The following ABCC2 variants were observed in gnomAD, a reference collection of about 807,000 sequenced individuals.
The protein encoded by ABCC2 is ATP binding cassette subfamily C member 2.
Under a neutral mutation model 173.4 loss-of-function variants are expected in ABCC2, and 157 were observed. The observed-to-expected ratio is 0.91, with a 90% confidence interval of 0.80 to 1.03. ABCC2 has a LOEUF of 1.03. Among genes scored for constraint, ABCC2 ranks in the 50% least tolerant of loss-of-function variants. The pLI is 0.00. For synonymous variants in ABCC2, 657 were observed against 693.5 expected, an observed-to-expected ratio of 0.95 and a Z score of 0.83; for missense variants, 1,822 against 1,852.3, an observed-to-expected ratio of 0.98 and a Z score of 0.30.
chr10:99,828,313 G>A (rs537591430), intron 19 of ABCC2, among the ~76,000 whole-genome samples: 5 of 151,994 alleles, frequency 3.3e-5, no homozygotes, highest in Admixed American at 1.3e-4. Flanking sequence ...CTGCTGTGTT[G>A]GCCCTGGGAT....
At position 99,800,528 on chromosome 10, in the gene ABCC2, G is replaced by C; in HGVS notation, c.1174G>C (p.Val392Leu). 2 of 1,614,186 alleles carry C rather than the reference G, an allele frequency of 1.2e-6. No homozygotes were observed. Among genetic ancestry groups the C allele is most frequent in the African/African-American group, 2.7e-5 (2 of 75,056 alleles). Residue 392 changes from valine to leucine, a missense_variant, in exon 9 of 32, where the codon GTA becomes CTA. By Grantham distance (32) the Val-to-Leu change is conservative. Coordinates refer to ENST00000647814, the MANE Select transcript of ABCC2 (RefSeq NM_000392.5). ...FQLCFKLGVK[V>L]RTAIMASVYK... Reference sequence around the variant, plus strand: ...ACTGTGCTTCAAGCTGGGTGTAAAAGTACGGACAGCTATCATGGCTTCTGT... The same window carrying C: ...ACTGTGCTTCAAGCTGGGTGTAAAACTACGGACAGCTATCATGGCTTCTGT...
intron 1 of ABCC2, among the ~76,000 whole-genome samples, chr10:99,783,083 TG>T (rs1032595217): frequency 1.2e-4 from 19 of 152,340 alleles, no homozygotes; most frequent in African/African-American, 3.4e-4. Context: ...CTCTGTCATA[TG>T]TTTTTTTATA....
intron 12 of ABCC2, 110 bp from the exon 13 acceptor site, chr10:99,807,973 G>C: frequency 9.0e-6 from 12 of 1,340,434 alleles, no homozygotes; most frequent in Non-Finnish European, 1.3e-5. Flanking sequence ...TGGGGAGGCT[G>C]GATGATCCTT....
chr10:99,832,077 T>A lies in ABCC2; in HGVS notation c.3204T>A (p.Pro1068=). 1 of 1,614,194 alleles carries A rather than the reference T, an allele frequency of 6.2e-7. No homozygotes were observed. Residue 1068 remains proline, a synonymous_variant, in exon 23 of 32, where the codon CCT becomes CCA. Coordinates refer to ENST00000647814, the MANE Select transcript of ABCC2 (RefSeq NM_000392.5). Reference sequence around the variant, plus strand: ...TGCTGAACAATATCCTTCGAGCACCTATGAGATTTTTTGACACAACACCCA... The same window carrying A: ...TGCTGAACAATATCCTTCGAGCACCAATGAGATTTTTTGACACAACACCCA... ...KQLLNNILRA[P]MRFFDTTPTG...
Position 99,830,355 on chromosome 10 carries a change from G to C in ABCC2, c.2669G>C (p.Ser890Thr), listed in dbSNP as rs745670308. 9 of 1,614,190 alleles carry C rather than the reference G, an allele frequency of 5.6e-6. No individual in the cohort carries two copies. Among genetic ancestry groups the C allele is most frequent in the Non-Finnish European group, 7.6e-6 (9 of 1,180,008 alleles). Reference sequence around the variant, plus strand: ...GACGATGACTATGGGCTGATATCCAGTGTGGAAGAGATCCCCGAAGATGCA... The same window carrying C: ...GACGATGACTATGGGCTGATATCCACTGTGGAAGAGATCCCCGAAGATGCA... ...EEDDDYGLISSVEEIPEDAAS... is the reference protein window; with the variant it reads ...EEDDDYGLISTVEEIPEDAAS... The change falls in exon 20 of 32, where the codon AGT becomes ACT. Residue 890 changes from serine (S) to threonine (T), a missense_variant. Coordinates refer to ENST00000647814, the MANE Select transcript of ABCC2 (RefSeq NM_000392.5).
intron 19 of ABCC2, among the ~76,000 whole-genome samples, chr10:99,820,879 A>G (rs551072324): frequency 6.6e-6 from 1 of 152,346 alleles, no homozygotes; most frequent in Non-Finnish European, 1.5e-5. Flanking sequence ...GACTTGGAAA[A>G]GAAAAAGACA....
chr10:99,836,177 A>T lies in ABCC2; in HGVS notation c.3501A>T (p.Val1167=). 6.2e-7 allele frequency: 1 copy of T among 1,614,206 alleles called. No homozygotes were observed. Among genetic ancestry groups the T allele is most frequent in the Non-Finnish European group, 8.5e-7 (1 of 1,180,042 alleles). The change falls in exon 25 of 32, where the codon GTA becomes GTT. Residue 1167 remains valine, a synonymous_variant. Transcript: ENST00000647814. ...TCTACTCTCACTTCAGCGAGACCGT[A>T]TCAGGTTTGCCAGTTATCCGTGCCT... is the stretch of plus-strand genomic sequence containing the variant. ...SPIYSHFSET[V]SGLPVIRAFE...
chr10:99,827,198 C>T (rs374118340), intron 19 of ABCC2, among the ~76,000 whole-genome samples: 1,291 of 103,326 alleles, frequency 0.012, no homozygotes, highest in Admixed American at 0.021. Flanking sequence ...AAGCTACTGG[C>T]GGTTGGGTCT....
At position 99,830,810 on chromosome 10, in the gene ABCC2, G is replaced by A. The variant is rs780347910; in HGVS notation, c.2842G>A (p.Gly948Arg). 1.2e-6 allele frequency: 2 copies of A among 1,614,020 alleles called. No homozygotes were observed. Among genetic ancestry groups the A allele is most frequent in the South Asian group, 1.1e-5 (1 of 91,080 alleles). ...GAAGGAAGACGAAGAACTAGTGAAAGGACAAAAACTAATTAAGAAGGAATT... is the reference window on the plus strand; with the variant it reads ...GAAGGAAGACGAAGAACTAGTGAAAAGACAAAAACTAATTAAGAAGGAATT... ...SLKEDEELVK[G>R]QKLIKKEFIE... Residue 948 changes from glycine to arginine, a missense_variant, in exon 21 of 32, where the codon GGA becomes AGA. By Grantham distance (125) the Gly-to-Arg change is moderately radical. Coordinates refer to ENST00000647814, the MANE Select transcript of ABCC2 (RefSeq NM_000392.5).
intron 19 of ABCC2, among the ~76,000 whole-genome samples, chr10:99,827,056 T>C (rs1023111603): frequency 5.4e-4 from 82 of 151,232 alleles, no homozygotes; most frequent in Non-Finnish European, 9.5e-4. Flanking sequence ...GGTGGTGCCG[T>C]AGGATTAAGT....
intron 19 of ABCC2, among the ~76,000 whole-genome samples, chr10:99,827,029 C>T (rs1013516140): frequency 4.5e-3 from 678 of 151,088 alleles, no homozygotes; most frequent in Non-Finnish European, 7.3e-3. Context: ...TCATGTAATT[C>T]ACTACCCTGT....
intron 18 of ABCC2, 45 bp downstream of exon 18, chr10:99,819,002 A>C: frequency 1.9e-6 from 2 of 1,046,540 alleles, no homozygotes; most frequent in Admixed American, 1.9e-5. Flanking sequence ...GTGGGGTGGG[A>C]GGGAGAGGGG....
chr10:99,831,981 A>AT lies in ABCC2; in HGVS notation c.3111dup (p.Val1038CysfsTer36). 6.8e-6 allele frequency: 11 copies of AT among 1,614,182 alleles called. No individual in the cohort carries two copies. The highest frequency in any genetic ancestry group is 9.3e-6 in the Non-Finnish European group (11 of 1,180,028). On this transcript the variant is annotated frameshift_variant, in exon 23 of 32. Coordinates refer to ENST00000647814, the MANE Select transcript of ABCC2 (RefSeq NM_000392.5). LOFTEE classifies it high-confidence loss of function. The stretch of plus-strand genomic sequence containing the variant: ...CAAAACTGCTTCCATCTCTAGGTAT[A>AT]TTTGTGTTCATAGCACATTTCTGGA...
At chr10:99,814,263 GTATGTATACACA>G (rs1481069613) in intron 16 of ABCC2, among the ~76,000 whole-genome samples, 3 of 20,746 alleles carry the variant, frequency 1.4e-4, no homozygotes, top group Admixed American at 8.8e-4. Flanking sequence ...GTATACACAC[GTATGTATACACA>G]CGTATGTATA....
Position 99,844,389 on chromosome 10 carries a change from A to G in ABCC2, c.3911A>G (p.Asn1304Ser). The G allele has an allele frequency of 6.2e-7, 1 of 1,614,214 alleles. No homozygotes were observed. Among genetic ancestry groups the G allele is most frequent in the East Asian group, 2.2e-5 (1 of 44,886 alleles). ...WPSKGKIQFN[N>S]YQVRYRPELD... is the part of the protein sequence containing the mutation. ...AGCAAAGGCAAGATCCAGTTTAACA[A>G]CTACCAAGTGCGGTACCGACCTGAG... Residue 1304 changes from asparagine (N) to serine (S), a missense_variant, in exon 28 of 32, where the codon AAC becomes AGC. Coordinates refer to ENST00000647814, the MANE Select transcript of ABCC2 (RefSeq NM_000392.5).
intron 28 of ABCC2, 70 bp from the exon 29 acceptor site, chr10:99,845,554 T>A (rs1418087194): frequency 6.3e-7 from 1 of 1,582,418 alleles, no homozygotes; most frequent in Non-Finnish European, 8.7e-7. Context: ...TGACTGTGAA[T>A]GCCCAGGCTA....
chr10:99,812,931 A>G, intron 15 of ABCC2, 87 bp from the exon 16 acceptor site: 1 of 1,552,216 alleles, frequency 6.4e-7, no homozygotes, highest in Non-Finnish European at 8.9e-7. Flanking sequence ...CTGATACCAG[A>G]CTTCATGGAG....
chr10:99,799,419 C>G, intron 8 of ABCC2, 49 bp downstream of exon 8: 1 of 1,601,016 alleles, frequency 6.2e-7, no homozygotes, highest in Non-Finnish European at 8.6e-7. Flanking sequence ...CTCTGCCACC[C>G]TCCTTTTTGC....
chr10:99,806,592 A>C (rs1468280479), intron 11 of ABCC2, among the ~76,000 whole-genome samples: 4 of 152,204 alleles, frequency 2.6e-5, no homozygotes, highest in Admixed American at 2.0e-4. Context: ...AAAAGAGTGA[A>C]ATTTTTAAAT....
Sources: allele counts gnomAD v4.1 joint callset (sites outside exome capture counted in the v4.1 genomes callset), GRCh38; gene constraint gnomAD v4.1.1; transcripts MANE v1.5; gene names NCBI Gene and HGNC (gene_info 2026-07-23, HGNC 2026-07-21).